Variants in ABCA4 observed in about 807,000 individuals in gnomAD.
ABCA4 encodes the protein ATP binding cassette subfamily A member 4.
A neutral mutation model predicts 263.7 loss-of-function variants in ABCA4; 196 were observed. The observed-to-expected ratio is 0.74, with a 90% CI of 0.66 to 0.84. The LOEUF (loss-of-function observed/expected upper bound fraction) is 0.84. Ranked by LOEUF, ABCA4 falls within the 40% of genes least tolerant of loss-of-function variation. ABCA4 has a pLI of 0.00. For missense variants in ABCA4, 2,792 were observed against 2,855.1 expected, an observed-to-expected ratio of 0.98 and a Z score of 0.50; for synonymous variants, 1,133 against 1,094.2, an observed-to-expected ratio of 1.04 and a Z score of -0.70.
chr1:94,100,346 T>G (rs939988096), intron 5 of ABCA4, among the ~76,000 whole-genome samples: 2 of 152,240 alleles, frequency 1.3e-5, no homozygotes, highest in African/African-American at 4.8e-5. Context: ...CATATATTAT[T>G]TCTTTTAACT....
rs1323453606 is a variant in ABCA4 at position 94,108,785 on chromosome 1, T to A, written c.303-69A>T. ...TTATAACAGTAATAATATCTCATGCTATTTTTTTTTTTTATCTCGCTCTGT... is the reference window on the plus strand; with the variant it reads ...TTATAACAGTAATAATATCTCATGCAATTTTTTTTTTTTATCTCGCTCTGT... On this transcript the variant is annotated intron_variant, in intron 3 of 49. Coordinates refer to ENST00000370225, the MANE Select transcript of ABCA4 (RefSeq NM_000350.3). 1.2e-5 allele frequency: 18 copies of A among 1,550,364 alleles called. No homozygotes were observed. In the East Asian group the frequency reaches 4.0e-4, roughly 34 times the overall value.
Position 94,098,357 on chromosome 1 carries a change from G to A in ABCA4, c.768+437C>T, listed in dbSNP as rs142153351. ...TATTAAAATTTATGAAATGTTTTGC[G>A]TATACTTTTCTTGTATAATTCCTAC... is the stretch of plus-strand genomic sequence containing the variant. On this transcript the variant is annotated intron_variant, in intron 6 of 49. Transcript: ENST00000370225. 6.2e-4 allele frequency among the ~76,000 whole-genome samples: 94 copies of A among 152,254 alleles called. 1 individual carries two copies. Among genetic ancestry groups the A allele is most frequent in the Middle Eastern group, 3.4e-3 (1 of 294 alleles).
intron 11 of ABCA4, among the ~76,000 whole-genome samples, chr1:94,066,091 G>T (rs1661260709): frequency 6.6e-6 from 1 of 152,184 alleles, no homozygotes; most frequent in Non-Finnish European, 1.5e-5. Flanking sequence ...ATAATGCAAG[G>T]TTTGCTATTG....
chr1:94,030,250 T>C (rs1417975977), intron 29 of ABCA4, among the ~76,000 whole-genome samples, 178 bp downstream of exon 29: 2 of 152,114 alleles, frequency 1.3e-5, no homozygotes, highest in South Asian at 2.1e-4. Context: ...TAGGAGGTAG[T>C]GAATGTCCCT....
Position 93,997,890 on chromosome 1 carries a change from ACTC to A in ABCA4, c.6697_6699del (p.Glu2233del), listed in dbSNP as rs1557757565. On this transcript the variant is annotated inframe_deletion, in exon 48 of 50. Coordinates refer to ENST00000370225, the MANE Select transcript of ABCA4 (RefSeq NM_000350.3). ...TCCAGTGTGGTCTGTGTGACTGAGT[ACTC>A]CTCGATGAGCAGGCTGTCCTTGTGG... The A allele has an allele frequency of 1.2e-6, 2 of 1,613,370 alleles. No homozygotes were observed. The highest frequency in any genetic ancestry group is 2.2e-5 in the South Asian group (2 of 90,998).
intron 23 of ABCA4, 89 bp downstream of exon 23, chr1:94,041,120 C>T (rs1364358617): frequency 3.0e-6 from 4 of 1,353,584 alleles, no homozygotes; most frequent in African/African-American, 1.4e-5. Flanking sequence ...TGGCGAGAGC[C>T]TGTGTGAGTA....
intron 16 of ABCA4, 46 bp from the exon 17 acceptor site, chr1:94,051,744 T>C (rs375460159): frequency 8.7e-5 from 123 of 1,410,524 alleles, no homozygotes; most frequent in Middle Eastern, 1.8e-4. Context: ...GGAGTCTCCC[T>C]ATCCTACCTT....
At chr1:94,103,275 G>C in intron 4 of ABCA4, 133 bp from the exon 5 acceptor site, 1 of 1,146,080 alleles carries the variant, frequency 8.7e-7, no homozygotes, top group Non-Finnish European at 1.3e-6. Context: ...GTCTCTGGGA[G>C]CCCCTAGAGG....
rs1326026375 is a variant in ABCA4, at chr1:94,077,885, A to G, written c.1359T>C (p.Asp453=). The change falls in exon 11 of 50, where the codon GAT becomes GAC. Residue 453 remains aspartate, a splice_region_variant and synonymous_variant. Coordinates refer to ENST00000370225, the MANE Select transcript of ABCA4 (RefSeq NM_000350.3). The stretch of plus-strand genomic sequence containing the variant: ...CTTTTACTGTTGGGTTCCCCAGGGT[A>G]TCCTTGGGAAGAAGAAATACAGTCA... ...DNSTQMNMIR[D]TLGNPTVKDF... 4.3e-6 allele frequency: 7 copies of G among 1,613,782 alleles called. No individual in the cohort carries two copies. The highest frequency in any genetic ancestry group is 1.3e-5 in the African/African-American group (1 of 74,952).
At chr1:94,016,691 A>G (rs1388089858) in intron 36 of ABCA4, among the ~76,000 whole-genome samples, 1 of 152,186 alleles carries the variant, frequency 6.6e-6, no homozygotes, top group African/African-American at 2.4e-5. Flanking sequence ...CATAGTGTTC[A>G]CTGTATAGGT....
chr1:94,042,895 C>T lies in ABCA4; in HGVS notation c.3194G>A (p.Gly1065Asp), dbSNP rs886039300. Reference protein sequence around the residue: ...RNEEAQDLSGGMQRKLSVAIA... With the variant: ...RNEEAQDLSGDMQRKLSVAIA... ...GGCAACCGACAGCTTTCTCTGCATG[C>T]CACCTGGAGGCACAAGAAGGACGGG... Residue 1065 changes from glycine (G) to aspartate (D), a missense_variant, in exon 22 of 50, where the codon GGC (glycine) becomes GAC (aspartate). Coordinates refer to ENST00000370225, the MANE Select transcript of ABCA4 (RefSeq NM_000350.3). The T allele has an allele frequency of 1.2e-6, 2 of 1,614,084 alleles. No homozygotes were observed. The highest frequency in any genetic ancestry group is 1.7e-6 in the Non-Finnish European group (2 of 1,180,044).
At chr1:94,077,229 T>C (rs1442962235) in intron 11 of ABCA4, among the ~76,000 whole-genome samples, 2 of 152,108 alleles carry the variant, frequency 1.3e-5, no homozygotes, top group Non-Finnish European at 2.9e-5. Flanking sequence ...TTAATTAGGA[T>C]AGGAAATATA....
At chr1:94,112,396 T>A (rs556466875) in intron 2 of ABCA4, among the ~76,000 whole-genome samples, 2 of 151,946 alleles carry the variant, frequency 1.3e-5, no homozygotes, top group African/African-American at 4.8e-5. Context: ...AACGAGAGAG[T>A]TTAGGTATAA....
chr1:94,070,070 T>A (rs1661365995), intron 11 of ABCA4, among the ~76,000 whole-genome samples: 1 of 152,152 alleles, frequency 6.6e-6, no homozygotes, highest in Non-Finnish European at 1.5e-5. Context: ...GCTCTTAAAG[T>A]TTCTTGTTGA....
Position 93,998,020 on chromosome 1 carries a change from C to T in ABCA4, c.6570G>A (p.Gln2190=), listed in dbSNP as rs1453869850. Residue 2190 remains glutamine, a synonymous_variant, in exon 48 of 50, where the codon CAG becomes CAA. Coordinates refer to ENST00000370225, the MANE Select transcript of ABCA4 (RefSeq NM_000350.3). ...PDLNPVEQFF[Q]GNFPGSVQRE... ...TCTGCACACTGCCTGGGAAGTTCCC[C>T]TGGAAGAACTGCTCCACAGGGTTCA... The T allele has an allele frequency of 6.2e-7, 1 of 1,614,204 alleles. No homozygotes were observed. Among genetic ancestry groups the T allele is most frequent in the Non-Finnish European group, 8.5e-7 (1 of 1,180,034 alleles).
chr1:94,030,863 C>A, intron 28 of ABCA4, 133 bp downstream of exon 28: 1 of 1,353,012 alleles, frequency 7.4e-7, no homozygotes. Flanking sequence ...TTTCTGCAGG[C>A]AGCCCAAAGA....
chr1:94,020,675 A>G (rs558885803), intron 35 of ABCA4, among the ~76,000 whole-genome samples: 1 of 152,316 alleles, frequency 6.6e-6, no homozygotes, highest in African/African-American at 2.4e-5. Flanking sequence ...AGGACCCCAC[A>G]ACGTTGCTGA....
At chr1:94,078,762 A>C in intron 9 of ABCA4, 56 bp from the exon 10 acceptor site, 1 of 1,277,014 alleles carries the variant, frequency 7.8e-7, no homozygotes, top group Non-Finnish European at 1.1e-6. Context: ...AGTGAGAGAG[A>C]ACTTTTGGTT....
At chr1:94,040,353 A>T (rs902137504) in intron 23 of ABCA4, among the ~76,000 whole-genome samples, 6 of 152,252 alleles carry the variant, frequency 3.9e-5, no homozygotes, top group Non-Finnish European at 8.8e-5. Flanking sequence ...AGAGAGGAGC[A>T]GAACCTCCAA....
Sources: gnomAD v4.1 joint callset for allele counts (sites outside exome capture counted in the v4.1 genomes callset) on GRCh38, gnomAD v4.1.1 for gene constraint, MANE v1.5 for transcripts, NCBI Gene and HGNC (gene_info 2026-07-23, HGNC 2026-07-21) for gene names.